The following NRG1 variants were observed in gnomAD, a reference collection of about 807,000 sequenced individuals.
The protein encoded by NRG1 is pro-neuregulin-1, membrane-bound isoform.
Under a neutral mutation model 63.8 loss-of-function variants are expected in NRG1, and 18 were observed. The observed-to-expected ratio is 0.28, with a 90% confidence interval of 0.19 to 0.42. The LOEUF (loss-of-function observed/expected upper bound fraction) is 0.42. Ranked by LOEUF, NRG1 falls within the 10% of genes least tolerant of loss-of-function variation. The pLI, the probability that NRG1 is intolerant of heterozygous loss-of-function variation, is 1.00. For missense variants in NRG1, 762 were observed against 814.7 expected (o/e 0.94, Z 0.79); for synonymous variants, 302 against 301.3 (o/e 1.00, Z -0.02).
chr8:32,692,491 G>A (rs1812013296), intron 5 of NRG1, among the ~76,000 whole-genome samples: 1 of 152,186 alleles, frequency 6.6e-6, no homozygotes, highest in Non-Finnish European at 1.5e-5. Flanking sequence ...CCCCTCTAAG[G>A]AGGGAAAGAT....
chr8:32,370,534 T>A (rs896068993), intron 1 of NRG1, among the ~76,000 whole-genome samples: 1 of 152,098 alleles, frequency 6.6e-6, no homozygotes, highest in Non-Finnish European at 1.5e-5. Context: ...TGCTATATAC[T>A]ACTTTCATTA....
In NRG1 at chr8:32,376,197, G is replaced by A. The variant is rs1350810814; in HGVS notation, c.38-219631G>A. Among the ~76,000 whole-genome samples the A allele has an allele frequency of 1.1e-4, 17 of 152,128 alleles. 1 individual carries two copies. Among genetic ancestry groups the A allele is most frequent in the Admixed American group, 5.9e-4 (9 of 15,274 alleles). On this transcript the variant is annotated intron_variant, in intron 1 of 10. Transcript: ENST00000519301. ...AGCTAAAAGGTAAATATAATTATTG[G>A]TGTTAGGCTCCATATTTGCCTACAG...
chr8:31,907,685 C>G lies in NRG1; in HGVS notation c.37+268254C>G, dbSNP rs190670315. ...TTGTGTTTTGAGGAGTTAAAATTCT[C>G]AATGTAATAGAAGACTCTATAATAA... On this transcript the variant is annotated intron_variant, in intron 1 of 10. Transcript: ENST00000519301. 3.3e-5 allele frequency among the ~76,000 whole-genome samples: 5 copies of G among 152,202 alleles called. No homozygotes were observed. In the East Asian group the frequency reaches 9.7e-4, roughly 29 times the overall value.
chr8:32,348,559 C>CA (rs1805194982), intron 1 of NRG1, among the ~76,000 whole-genome samples: 1 of 152,140 alleles, frequency 6.6e-6, no homozygotes, highest in African/African-American at 2.4e-5. Flanking sequence ...CAATGAACAA[C>CA]ATTTATGGTC....
intron 1 of NRG1, among the ~76,000 whole-genome samples, chr8:32,211,246 T>C (rs1285103809): frequency 2.6e-5 from 4 of 152,188 alleles, no homozygotes; most frequent in Non-Finnish European, 5.9e-5. Flanking sequence ...GCCAAATACA[T>C]GCATTTATTT....
intron 5 of NRG1, among the ~76,000 whole-genome samples, chr8:32,720,161 T>G (rs1444246550): frequency 6.6e-6 from 1 of 152,178 alleles, no homozygotes; most frequent in African/African-American, 2.4e-5. Context: ...TTTCAGTAGC[T>G]TGTTGAATAA....
intron 1 of NRG1, among the ~76,000 whole-genome samples, chr8:31,871,917 A>G (rs1829521148): frequency 1.3e-5 from 2 of 152,184 alleles, no homozygotes; most frequent in South Asian, 4.1e-4. Flanking sequence ...TCAAAAGGAT[A>G]ATGTGGCTTT....
intron 1 of NRG1, among the ~76,000 whole-genome samples, chr8:32,123,972 A>C (rs906477573): frequency 3.3e-5 from 5 of 151,986 alleles, no homozygotes; most frequent in Admixed American, 2.6e-4. Flanking sequence ...CAATAAAATA[A>C]CCTGTGAACC....
chr8:32,452,603 A>G (rs1451363211), intron 1 of NRG1, among the ~76,000 whole-genome samples: 1 of 152,184 alleles, frequency 6.6e-6, no homozygotes, highest in Non-Finnish European at 1.5e-5. Context: ...TTTGCATGCT[A>G]TACTAAGAAG....
chr8:31,642,576 A>G (rs1392784047), intron 1 of NRG1, among the ~76,000 whole-genome samples: 3 of 152,020 alleles, frequency 2.0e-5, no homozygotes, highest in Non-Finnish European at 4.4e-5. Flanking sequence ...AAGGGGAAAA[A>G]ACTTCATTGA....
chr8:32,750,175 A>G lies in NRG1; in HGVS notation c.692-4197A>G, dbSNP rs531744623. On this transcript the variant is annotated intron_variant, in intron 7 of 11. Coordinates refer to ENST00000356819, the Ensembl canonical transcript of NRG1. ...ACCCTAGTCAACTTCATTATCTTAT[A>G]AGAAGGAAATAGAAAACAGAAAGAA... 1.6e-3 allele frequency among the ~76,000 whole-genome samples: 247 copies of G among 152,300 alleles called. 1 individual carries two copies. Among genetic ancestry groups the G allele is most frequent in the African/African-American group, 5.8e-3 (240 of 41,566 alleles).
intron 1 of NRG1, among the ~76,000 whole-genome samples, chr8:32,381,187 A>G (rs1241275171): frequency 6.6e-6 from 1 of 152,202 alleles, no homozygotes; most frequent in Admixed American, 6.5e-5. Flanking sequence ...TACCAAGCAG[A>G]TTCTTTCCAG....
At chr8:32,075,197 A>G (rs530955807) in intron 1 of NRG1, among the ~76,000 whole-genome samples, 1 of 152,348 alleles carries the variant, frequency 6.6e-6, no homozygotes, top group African/African-American at 2.4e-5. Context: ...AGACAACCTT[A>G]AACATTTTTG....
chr8:31,643,121 C>T (rs1041726594), intron 1 of NRG1, among the ~76,000 whole-genome samples: 12 of 152,060 alleles, frequency 7.9e-5, no homozygotes, highest in African/African-American at 2.7e-4. Flanking sequence ...AGAGAACTAG[C>T]AAGAGGAAAG....
intron 1 of NRG1, among the ~76,000 whole-genome samples, chr8:31,655,731 G>A (rs1435843900): frequency 6.6e-6 from 1 of 152,226 alleles, no homozygotes; most frequent in Non-Finnish European, 1.5e-5. Flanking sequence ...TGCATGCAGG[G>A]AGCTGAGGTG....
chr8:32,732,320 G>A (rs1173333257), intron 6 of NRG1, among the ~76,000 whole-genome samples: 1 of 152,200 alleles, frequency 6.6e-6, no homozygotes, highest in Non-Finnish European at 1.5e-5. Context: ...AATCAAACAT[G>A]AAATTGTCCA....
At chr8:32,379,441 G>A (rs1810059517) in intron 1 of NRG1, among the ~76,000 whole-genome samples, 1 of 152,144 alleles carries the variant, frequency 6.6e-6, no homozygotes, top group South Asian at 2.1e-4. Flanking sequence ...CTGGTCATAG[G>A]TGGAGAATTA....
chr8:31,712,292 G>T (rs1418039501), intron 1 of NRG1, among the ~76,000 whole-genome samples: 5 of 77,268 alleles, frequency 6.5e-5, no homozygotes, highest in Admixed American at 5.3e-4. Context: ...TTTTGATGGA[G>T]TCTCACTCTG....
At chr8:32,069,672 G>T (rs1186465056) in intron 1 of NRG1, among the ~76,000 whole-genome samples, 2 of 152,120 alleles carry the variant, frequency 1.3e-5, no homozygotes, top group Admixed American at 1.3e-4. Flanking sequence ...GGATGCTTGT[G>T]ACCCTGAGAC....
Sources: allele counts gnomAD v4.1 joint callset (sites outside exome capture counted in the v4.1 genomes callset), GRCh38; gene constraint gnomAD v4.1.1; transcripts MANE v1.5; gene names NCBI Gene and HGNC (gene_info 2026-07-23, HGNC 2026-07-21).